Variants in GALNTL6 observed in about 807,000 individuals in gnomAD.
The protein encoded by GALNTL6 is polypeptide N-acetylgalactosaminyltransferase like 6.
In GALNTL6, 46 loss-of-function variants were observed where a neutral mutation model predicts 73.7. The ratio of observed to expected loss-of-function variants is 0.62; its 90% CI spans 0.49 to 0.80. The LOEUF (loss-of-function observed/expected upper bound fraction) is 0.80, where lower values mean the gene tolerates loss of function less well. GALNTL6 is among the 30% of genes least tolerant of loss of function. GALNTL6 has a pLI of 0.00. For synonymous variants in GALNTL6, 259 were observed against 263.7 expected, an observed-to-expected ratio of 0.98 and a Z score of 0.17; for missense variants, 604 against 755.0, an observed-to-expected ratio of 0.80 and a Z score of 2.34.
intron 5 of GALNTL6, among the ~76,000 whole-genome samples, chr4:172,603,862 A>G (rs1205016159): frequency 6.6e-6 from 1 of 152,202 alleles, no homozygotes; most frequent in African/African-American, 2.4e-5. Context: ...AGAACAAACC[A>G]GGAACATGAA....
At chr4:172,535,065 A>G (rs778544222) in intron 5 of GALNTL6, among the ~76,000 whole-genome samples, 1 of 152,216 alleles carries the variant, frequency 6.6e-6, no homozygotes, top group African/African-American at 2.4e-5. Context: ...GGCAATTTAT[A>G]TCTGAAAAAC....
chr4:172,931,089 A>G (rs1579669830), intron 8 of GALNTL6, 72 bp from the exon 9 acceptor site: 2 of 834,488 alleles, frequency 2.4e-6, no homozygotes, highest in East Asian at 4.8e-5. Flanking sequence ...AAGATGGTTT[A>G]TGAGTCCTAC....
chr4:172,560,224 C>T (rs1736304394), intron 5 of GALNTL6, among the ~76,000 whole-genome samples: 1 of 152,070 alleles, frequency 6.6e-6, no homozygotes, highest in African/African-American at 2.4e-5. Flanking sequence ...ACGGCTGTAG[C>T]TCCAGCACTT....
At chr4:172,087,217 G>A (rs1732062930) in intron 2 of GALNTL6, among the ~76,000 whole-genome samples, 2 of 152,126 alleles carry the variant, frequency 1.3e-5, no homozygotes, top group South Asian at 4.1e-4. Flanking sequence ...GCCGAGGCAG[G>A]CGGCTCACGA....
At chr4:172,892,251 G>A (rs963285824) in intron 8 of GALNTL6, among the ~76,000 whole-genome samples, 16 of 152,338 alleles carry the variant, frequency 1.1e-4, no homozygotes, top group African/African-American at 3.4e-4. Context: ...CTTCTCATAT[G>A]AGGAGGCTGG....
chr4:172,739,232 G>A (rs10000565), intron 5 of GALNTL6, among the ~76,000 whole-genome samples: 54,566 of 151,970 alleles, frequency 0.36, 10,845 homozygotes, highest in African/African-American at 0.52. Flanking sequence ...AGCCCATATT[G>A]TATATACCAG....
chr4:172,844,964 C>T (rs1416148206), intron 7 of GALNTL6, among the ~76,000 whole-genome samples: 1 of 151,664 alleles, frequency 6.6e-6, no homozygotes, highest in Non-Finnish European at 1.5e-5. Context: ...ACCTGTAATC[C>T]CAGCACTTTG....
At chr4:172,338,102 G>A (rs1340869639) in intron 4 of GALNTL6, among the ~76,000 whole-genome samples, 1 of 152,102 alleles carries the variant, frequency 6.6e-6, no homozygotes, top group Non-Finnish European at 1.5e-5. Flanking sequence ...TACACTAAGT[G>A]AATTTTTTAA....
intron 5 of GALNTL6, among the ~76,000 whole-genome samples, chr4:172,730,076 G>C (rs978336669): frequency 2.0e-5 from 3 of 152,074 alleles, no homozygotes; most frequent in Non-Finnish European, 4.4e-5. Flanking sequence ...TTTATATGTT[G>C]ATTTTGTATC....
intron 9 of GALNTL6, among the ~76,000 whole-genome samples, chr4:172,940,655 C>T (rs1748870291): frequency 6.6e-6 from 1 of 151,490 alleles, no homozygotes; most frequent in Non-Finnish European, 1.5e-5. Flanking sequence ...GCCACCACAC[C>T]CGGCCAACAT....
chr4:172,429,277 T>C (rs1325310460), intron 5 of GALNTL6, among the ~76,000 whole-genome samples: 3 of 151,742 alleles, frequency 2.0e-5, no homozygotes, highest in Admixed American at 6.6e-5. Context: ...AGTGGCGTGA[T>C]CTCAGCTCGC....
intron 2 of GALNTL6, among the ~76,000 whole-genome samples, chr4:171,918,210 T>C (rs1377138533): frequency 1.3e-5 from 2 of 152,016 alleles, no homozygotes; most frequent in East Asian, 3.9e-4. Context: ...TAAAACAAAA[T>C]ATACATGAGA....
At chr4:172,622,028 C>T (rs1018080591) in intron 5 of GALNTL6, among the ~76,000 whole-genome samples, 1 of 152,138 alleles carries the variant, frequency 6.6e-6, no homozygotes, top group Non-Finnish European at 1.5e-5. Flanking sequence ...CTCGATTTGC[C>T]ATCCCTGGTC....
intron 5 of GALNTL6, among the ~76,000 whole-genome samples, chr4:172,373,753 A>G (rs1742913970): frequency 2.0e-5 from 3 of 152,328 alleles, no homozygotes; most frequent in Admixed American, 2.0e-4. Flanking sequence ...CAGGCATAAC[A>G]AGAAAGGCAT....
chr4:173,019,738 C>T (rs1211702427), intron 11 of GALNTL6, among the ~76,000 whole-genome samples: 5 of 152,180 alleles, frequency 3.3e-5, no homozygotes, highest in Non-Finnish European at 5.9e-5. Flanking sequence ...TAACAGAGTA[C>T]GCAGTGGCCA....
chr4:172,970,595 C>T (rs982879110), intron 10 of GALNTL6, among the ~76,000 whole-genome samples: 1 of 152,166 alleles, frequency 6.6e-6, no homozygotes, highest in African/African-American at 2.4e-5. Flanking sequence ...GGCAGTCAGA[C>T]CTTTGGTTGT....
At chr4:172,183,283 G>A (rs565498352) in intron 2 of GALNTL6, among the ~76,000 whole-genome samples, 8 of 152,192 alleles carry the variant, frequency 5.3e-5, no homozygotes, top group South Asian at 2.1e-4. Flanking sequence ...TAACATTACC[G>A]TTCCATTATA....
chr4:172,781,918 A>G (rs983956642), intron 5 of GALNTL6, among the ~76,000 whole-genome samples: 3 of 151,096 alleles, frequency 2.0e-5, no homozygotes, highest in African/African-American at 7.3e-5. Flanking sequence ...ACATTGAAAC[A>G]TTTAAATTAT....
At chr4:171,847,616 A>T (rs1735409135) in intron 2 of GALNTL6, among the ~76,000 whole-genome samples, 1 of 152,200 alleles carries the variant, frequency 6.6e-6, no homozygotes, top group South Asian at 2.1e-4. Flanking sequence ...ACACTGCTTT[A>T]TCAACTAAGT....
Sources: allele counts gnomAD v4.1 joint callset (sites outside exome capture counted in the v4.1 genomes callset), GRCh38; gene constraint gnomAD v4.1.1; transcripts MANE v1.5; gene names NCBI Gene and HGNC (gene_info 2026-07-23, HGNC 2026-07-21).